The following NKAIN2 variants were observed in gnomAD, a reference collection of about 807,000 sequenced individuals.
NKAIN2 encodes sodium/potassium-transporting ATPase subunit beta-1-interacting protein 2.
NKAIN2 carries 14 observed loss-of-function variants against 32.6 expected under a neutral mutation model. The observed-to-expected ratio is 0.43, with a 90% CI of 0.28 to 0.67. The LOEUF is 0.67. Among genes scored for constraint, NKAIN2 ranks in the 30% least tolerant of loss-of-function variants. The pLI is 0.17. For synonymous variants in NKAIN2, 80 were observed against 87.2 expected (o/e 0.92, Z 0.46); for missense variants, 198 against 258.3 (o/e 0.77, Z 1.60).
rs1015925555 is a variant in NKAIN2, at chr6:124,823,818, T to G, written c.*589T>G. 1.3e-5 allele frequency: 2 copies of G among 153,306 alleles called. No individual in the cohort carries two copies. The highest frequency in any genetic ancestry group is 4.8e-5 in the African/African-American group (2 of 41,472). 9.5% of individuals were successfully genotyped at this position (153,306 alleles called of 1,614,324 possible). A position where few individuals can be genotyped will look rare whatever the true frequency, so the allele number is the denominator to read the frequency against. Reference sequence around the variant, plus strand: ...CCCACCTACATTGTGTGCCCAAGAATCCCAGTGCAGACAGCCCCAAGCCAC... The same window carrying G: ...CCCACCTACATTGTGTGCCCAAGAAGCCCAGTGCAGACAGCCCCAAGCCAC... On this transcript the variant is annotated 3_prime_UTR_variant, in exon 7 of 7. Coordinates refer to ENST00000368417, the MANE Select transcript of NKAIN2 (RefSeq NM_001040214.3).
chr6:124,382,897 A>G (rs979468163), intron 3 of NKAIN2, among the ~76,000 whole-genome samples: 2 of 152,138 alleles, frequency 1.3e-5, no homozygotes, highest in African/African-American at 2.4e-5. Flanking sequence ...TGGCATCATG[A>G]TATCTGTTAG....
chr6:124,211,130 T>A (rs1353143286), intron 1 of NKAIN2, among the ~76,000 whole-genome samples: 2 of 151,842 alleles, frequency 1.3e-5, no homozygotes, highest in African/African-American at 4.8e-5. Flanking sequence ...AGCTGATAAA[T>A]ACTTATTAAA....
At chr6:124,559,050 C>T (rs1194596868) in intron 3 of NKAIN2, among the ~76,000 whole-genome samples, 1 of 152,112 alleles carries the variant, frequency 6.6e-6, no homozygotes, top group Non-Finnish European at 1.5e-5. Context: ...GAAACTGGCT[C>T]AGAAAGCCAG....
At chr6:124,798,343 C>T (rs1352960585) in intron 5 of NKAIN2, among the ~76,000 whole-genome samples, 1 of 152,090 alleles carries the variant, frequency 6.6e-6, no homozygotes, top group Non-Finnish European at 1.5e-5. Flanking sequence ...TAAAATGTAA[C>T]ATAATCTTAG....
At chr6:123,826,151 C>T (rs1447213107) in intron 1 of NKAIN2, among the ~76,000 whole-genome samples, 1 of 151,876 alleles carries the variant, frequency 6.6e-6, no homozygotes, top group Non-Finnish European at 1.5e-5. Context: ...CTCCATCAGC[C>T]CCACCATTAA....
chr6:124,756,371 GTT>G (rs1433147906), intron 4 of NKAIN2, among the ~76,000 whole-genome samples: 1 of 152,042 alleles, frequency 6.6e-6, no homozygotes, highest in East Asian at 1.9e-4. Context: ...TTGTTTGTTT[GTT>G]TGTTTTGGAA....
chr6:123,976,721 G>T (rs1252552463), intron 1 of NKAIN2, among the ~76,000 whole-genome samples: 1 of 151,828 alleles, frequency 6.6e-6, no homozygotes, highest in Non-Finnish European at 1.5e-5. Flanking sequence ...ATTTACAAAT[G>T]GCCAAGAATT....
chr6:124,688,173 G>A (rs1774081453), intron 4 of NKAIN2, among the ~76,000 whole-genome samples: 1 of 151,966 alleles, frequency 6.6e-6, no homozygotes, highest in South Asian at 2.1e-4. Context: ...AAATATAACA[G>A]TATAACTAAG....
At chr6:124,273,268 T>C (rs748933015) in intron 1 of NKAIN2, among the ~76,000 whole-genome samples, 18 of 151,136 alleles carry the variant, frequency 1.2e-4, no homozygotes, top group Non-Finnish European at 2.1e-4. Context: ...GATTGGATCC[T>C]GGGGGCAGTT....
At chr6:123,900,824 T>C (rs1321747706) in intron 1 of NKAIN2, among the ~76,000 whole-genome samples, 1 of 152,188 alleles carries the variant, frequency 6.6e-6, no homozygotes, top group Non-Finnish European at 1.5e-5. Flanking sequence ...ATCAGTTCCT[T>C]GGGACATGGC....
chr6:123,947,255 T>C (rs1777104821), intron 1 of NKAIN2, among the ~76,000 whole-genome samples: 1 of 152,196 alleles, frequency 6.6e-6, no homozygotes, highest in Admixed American at 6.6e-5. Flanking sequence ...GTTTACACAA[T>C]ACTTGGACTT....
At chr6:123,959,923 ATATGTGTG>A (rs903609020) in intron 1 of NKAIN2, among the ~76,000 whole-genome samples, 4 of 124,978 alleles carry the variant, frequency 3.2e-5, no homozygotes, top group African/African-American at 1.4e-4. Flanking sequence ...TGTCTTCCAT[ATATGTGTG>A]TGTGTGTGTG....
chr6:124,763,334 G>A (rs898259074), intron 4 of NKAIN2, among the ~76,000 whole-genome samples: 1 of 152,228 alleles, frequency 6.6e-6, no homozygotes, highest in African/African-American at 2.4e-5. Flanking sequence ...TCTGCAGGCT[G>A]CACAGGAAGC....
intron 1 of NKAIN2, among the ~76,000 whole-genome samples, chr6:123,986,589 T>C (rs748881362): frequency 6.6e-6 from 1 of 152,164 alleles, no homozygotes; most frequent in Non-Finnish European, 1.5e-5. Context: ...TACACTCAAC[T>C]TGGGAGATTT....
At chr6:124,575,654 G>A (rs190485664) in intron 3 of NKAIN2, among the ~76,000 whole-genome samples, 18 of 152,210 alleles carry the variant, frequency 1.2e-4, no homozygotes, top group Admixed American at 5.9e-4. Context: ...GCCTTCTACC[G>A]GGGAATTGCT....
At chr6:124,415,655 C>T (rs1774430527) in intron 3 of NKAIN2, among the ~76,000 whole-genome samples, 1 of 152,110 alleles carries the variant, frequency 6.6e-6, no homozygotes, top group Non-Finnish European at 1.5e-5. Context: ...TCCTCTATTC[C>T]TTCCTTGGTC....
At chr6:123,988,142 C>T (rs1779230339) in intron 1 of NKAIN2, among the ~76,000 whole-genome samples, 1 of 151,976 alleles carries the variant, frequency 6.6e-6, no homozygotes, top group South Asian at 2.1e-4. Context: ...TGATTCCCTA[C>T]AGGAAATATA....
At chr6:123,895,905 AG>A (rs67637684) in intron 1 of NKAIN2, among the ~76,000 whole-genome samples, 48,425 of 152,098 alleles carry the variant, frequency 0.32, 8,774 homozygotes, top group East Asian at 0.61. Context: ...AATCTTAGAA[AG>A]GCAGCTGTTC....
At chr6:124,424,895 T>C (rs1774916307) in intron 3 of NKAIN2, among the ~76,000 whole-genome samples, 1 of 152,178 alleles carries the variant, frequency 6.6e-6, no homozygotes, top group South Asian at 2.1e-4. Flanking sequence ...CTTCAAGATA[T>C]TGGTTTCTTT....
Sources: allele counts gnomAD v4.1 joint callset (sites outside exome capture counted in the v4.1 genomes callset), GRCh38; gene constraint gnomAD v4.1.1; transcripts MANE v1.5; gene names NCBI Gene and HGNC (gene_info 2026-07-23, HGNC 2026-07-21).